PRKCH: variants seen among roughly 807,000 people sequenced by gnomAD.
PRKCH encodes the protein protein kinase C eta, also known as protein kinase C eta type.
PRKCH carries 28 observed loss-of-function variants against 82.5 expected under a neutral mutation model. The observed-to-expected ratio is 0.34, with a 90% CI of 0.25 to 0.47. The LOEUF (loss-of-function observed/expected upper bound fraction) is 0.47, where lower values mean the gene tolerates loss of function less well. Ranked by LOEUF, PRKCH falls within the 20% of genes least tolerant of loss-of-function variation. The pLI, the probability that PRKCH is intolerant of heterozygous loss-of-function variation, is 1.00. For synonymous variants in PRKCH, 322 were observed against 327.4 expected, an observed-to-expected ratio of 0.98 and a Z score of 0.18; for missense variants, 705 against 881.8, an observed-to-expected ratio of 0.80 and a Z score of 2.54.
intron 1 of PRKCH, among the ~76,000 whole-genome samples, chr14:61,359,321 G>A (rs117233708): frequency 6.6e-6 from 1 of 152,200 alleles, no homozygotes; most frequent in African/African-American, 2.4e-5. Flanking sequence ...TGAGTTCCTA[G>A]TTCTACATGC....
At position 61,521,685 on chromosome 14, in the gene PRKCH, G is replaced by C. The variant is rs113220300; in HGVS notation, c.1434-7390G>C. Among the ~76,000 whole-genome samples the C allele has an allele frequency of 0.026, 3,903 of 151,652 alleles. 217 individuals are homozygous for C. In the East Asian group the frequency reaches 0.27, roughly 10 times the overall value. On this transcript the variant is annotated intron_variant, in intron 10 of 13. Transcript: ENST00000332981. ...CAGGCTCAAGTGATCTTCCCGCTTC[G>C]GCCTCCCAAAGGGCTGGGATTCAGG...
intron 1 of PRKCH, among the ~76,000 whole-genome samples, chr14:61,261,332 A>G (rs553746827): frequency 2.0e-5 from 3 of 152,360 alleles, no homozygotes; most frequent in East Asian, 1.9e-4. Flanking sequence ...GCTGCGCTGT[A>G]TGAGAAACAG....
Position 61,280,098 on chromosome 14 carries a change from C to G in PRKCH, c.-19+92430C>G. 1.2e-6 allele frequency: 2 copies of G among 1,607,800 alleles called. No individual in the cohort carries two copies. Among genetic ancestry groups the G allele is most frequent in the Non-Finnish European group, 1.7e-6 (2 of 1,176,912 alleles). On this transcript the variant is annotated intron_variant, in intron 1 of 3. Transcript: ENST00000555185. The surrounding 1 kb of genome is among the most constrained non-coding windows in gnomAD (Gnocchi z 5.0). ...GATCCCTGGAAAGCCGGAATCACTC[C>G]TCGTCGTCGTCGTCCTGGTCCTGGT...
intron 1 of PRKCH, chr14:61,305,397 G>C (rs1306347859): frequency 6.6e-6 from 1 of 151,492 alleles, no homozygotes; most frequent in South Asian, 2.1e-4. Flanking sequence ...TGCTCAGGCT[G>C]GTCTTGAACT....
At chr14:61,511,127 C>T (rs1296109795) in intron 10 of PRKCH, among the ~76,000 whole-genome samples, 1 of 152,172 alleles carries the variant, frequency 6.6e-6, no homozygotes, top group Non-Finnish European at 1.5e-5. Context: ...TTTAATGACT[C>T]AAGTAGAGCC....
intron 1 of PRKCH, among the ~76,000 whole-genome samples, chr14:61,204,197 A>G (rs2044505011): frequency 1.3e-5 from 2 of 152,142 alleles, no homozygotes; most frequent in Non-Finnish European, 2.9e-5. Flanking sequence ...ACCTCACCAC[A>G]TAATAACTAA....
intron 1 of PRKCH, among the ~76,000 whole-genome samples, chr14:61,355,822 A>G (rs11629419): frequency 2.6e-5 from 4 of 152,200 alleles, no homozygotes; most frequent in Non-Finnish European, 2.9e-5. Context: ...AGTCTGGAAG[A>G]TCTCCACCAA....
intron 1 of PRKCH, among the ~76,000 whole-genome samples, chr14:61,354,186 A>G (rs2046117460): frequency 6.6e-6 from 1 of 152,154 alleles, no homozygotes; most frequent in Non-Finnish European, 1.5e-5. Context: ...TATAGATGAG[A>G]TGGTTGGCAT....
At chr14:61,488,787 A>G (rs1438866695) in intron 10 of PRKCH, among the ~76,000 whole-genome samples, 4 of 152,172 alleles carry the variant, frequency 2.6e-5, no homozygotes, top group Non-Finnish European at 1.5e-5. Flanking sequence ...TATGGTGGGT[A>G]GACACTGTAA....
At chr14:61,365,484 A>G (rs2046286728) in intron 1 of PRKCH, among the ~76,000 whole-genome samples, 2 of 152,110 alleles carry the variant, frequency 1.3e-5, no homozygotes, top group South Asian at 2.1e-4. Context: ...TGTAGACTAC[A>G]AGTGTAGAGG....
intron 1 of PRKCH, among the ~76,000 whole-genome samples, chr14:61,277,207 AAATAAT>A (rs1325796497): frequency 1.3e-5 from 2 of 152,142 alleles, no homozygotes; most frequent in East Asian, 1.9e-4. Context: ...GTCTCAAAAA[AAATAAT>A]AATAACAATA....
chr14:61,243,213 A>G (rs1476003333), intron 1 of PRKCH, among the ~76,000 whole-genome samples: 1 of 151,708 alleles, frequency 6.6e-6, no homozygotes, highest in East Asian at 1.9e-4. Flanking sequence ...TGGCCAATAT[A>G]GCAAAACCCC....
intron 1 of PRKCH, among the ~76,000 whole-genome samples, chr14:61,376,159 T>C (rs879563462): frequency 6.6e-6 from 1 of 152,114 alleles, no homozygotes; most frequent in Non-Finnish European, 1.5e-5. Context: ...ATGGAGATAA[T>C]GCTGCTTTAC....
At chr14:61,290,357 G>A (rs2045351234) in intron 1 of PRKCH, among the ~76,000 whole-genome samples, 1 of 152,050 alleles carries the variant, frequency 6.6e-6, no homozygotes, top group Admixed American at 6.6e-5. Flanking sequence ...ATGTGAAACT[G>A]GGGAAAAATA....
At chr14:61,394,217 T>TC (rs1436037242) in intron 2 of PRKCH, among the ~76,000 whole-genome samples, 1 of 152,144 alleles carries the variant, frequency 6.6e-6, no homozygotes, top group Non-Finnish European at 1.5e-5. Context: ...TATTAAATCT[T>TC]GTCTTTTTGC....
intron 1 of PRKCH, among the ~76,000 whole-genome samples, chr14:61,193,128 C>A (rs2044418016): frequency 6.6e-6 from 1 of 152,162 alleles, no homozygotes; most frequent in Non-Finnish European, 1.5e-5. Flanking sequence ...CTGTGGTAAC[C>A]TCTAGAAGTA....
intron 1 of PRKCH, among the ~76,000 whole-genome samples, chr14:61,191,909 G>T (rs1206047502): frequency 6.6e-6 from 1 of 152,108 alleles, no homozygotes; most frequent in Non-Finnish European, 1.5e-5. Flanking sequence ...TATTCCAGAA[G>T]AATGTAATCC....
At chr14:61,344,822 C>G (rs2140141780) in intron 1 of PRKCH, among the ~76,000 whole-genome samples, 1 of 152,194 alleles carries the variant, frequency 6.6e-6, no homozygotes, top group Middle Eastern at 3.4e-3. Flanking sequence ...GATTGCTAGC[C>G]CCTTAAAGCT....
intron 1 of PRKCH, among the ~76,000 whole-genome samples, chr14:61,289,675 C>G (rs1376496203): frequency 6.6e-6 from 1 of 152,192 alleles, no homozygotes; most frequent in Non-Finnish European, 1.5e-5. Flanking sequence ...CCACTGCACT[C>G]CAGCCTGGGT....
Sources: gnomAD v4.1 joint callset for allele counts (sites outside exome capture counted in the v4.1 genomes callset) on GRCh38, gnomAD v4.1.1 for gene constraint, Gnocchi (gnomAD v3.1) non-coding constraint, MANE v1.5 for transcripts, NCBI Gene and HGNC (gene_info 2026-07-23, HGNC 2026-07-21) for gene names.